Variants in PAIP2 observed in about 807,000 individuals in gnomAD.
PAIP2 encodes polyadenylate-binding protein-interacting protein 2.
PAIP2 carries 7 observed loss-of-function variants against 14.8 expected under a neutral mutation model. The observed-to-expected ratio is 0.47, with a 90% confidence interval of 0.27 to 0.89. The LOEUF is 0.89. Ranked by LOEUF, PAIP2 falls within the 40% of genes least tolerant of loss-of-function variation. PAIP2 has a pLI of 0.13. For synonymous variants in PAIP2, 47 were observed against 45.3 expected, an observed-to-expected ratio of 1.04 and a Z score of -0.15; for missense variants, 122 against 154.7, an observed-to-expected ratio of 0.79 and a Z score of 1.12.
chr5:139,366,083 AT>A lies in PAIP2; in HGVS notation c.318+1341del, dbSNP rs370248866. Among the ~76,000 whole-genome samples, 214 of 151,468 alleles carry A rather than the reference AT, an allele frequency of 1.4e-3. 2 individuals carry two copies. In the South Asian group the frequency reaches 0.03, roughly 21 times the overall value. On this transcript the variant is annotated intron_variant, in intron 3 of 3. Coordinates refer to ENST00000265192, the MANE Select transcript of PAIP2 (RefSeq NM_016480.5). ...CTGGTTGTGGTGGTGCGTGCCTGTAATCCCAGCTACCTGGGAGGCTAAGGCA... is the reference window on the plus strand; with the variant it reads ...CTGGTTGTGGTGGTGCGTGCCTGTAACCCAGCTACCTGGGAGGCTAAGGCA...
intron 1 of PAIP2, among the ~76,000 whole-genome samples, chr5:139,350,818 A>T (rs988944352): frequency 6.6e-6 from 1 of 152,104 alleles, no homozygotes; most frequent in South Asian, 2.1e-4. Context: ...TTGGTATAGA[A>T]ATACACAATT....
At chr5:139,363,208 T>A (rs1331440259) in intron 1 of PAIP2, among the ~76,000 whole-genome samples, 1 of 151,932 alleles carries the variant, frequency 6.6e-6, no homozygotes, top group Non-Finnish European at 1.5e-5. Flanking sequence ...GCCACTGCAT[T>A]CCAGCCTGGG....
At chr5:139,357,017 A>T (rs559805837) in intron 1 of PAIP2, among the ~76,000 whole-genome samples, 1 of 152,276 alleles carries the variant, frequency 6.6e-6, no homozygotes, top group South Asian at 2.1e-4. Flanking sequence ...GAGTTTAGTA[A>T]AATTTGTATT....
At chr5:139,352,278 CTA>C (rs1561958956) in intron 1 of PAIP2, among the ~76,000 whole-genome samples, 1 of 151,188 alleles carries the variant, frequency 6.6e-6, no homozygotes, top group Non-Finnish European at 1.5e-5. Context: ...TTAATGACTA[CTA>C]GATACATTAA....
At chr5:139,367,817 TC>T (rs1161087679) in intron 3 of PAIP2, among the ~76,000 whole-genome samples, 1 of 152,252 alleles carries the variant, frequency 6.6e-6, no homozygotes, top group African/African-American at 2.4e-5. Context: ...AATTCCTTGT[TC>T]CGTGCTATTC....
chr5:139,366,232 G>T (rs1016378190), intron 3 of PAIP2, among the ~76,000 whole-genome samples: 8 of 150,886 alleles, frequency 5.3e-5, no homozygotes, highest in South Asian at 2.1e-4. Context: ...AAAGCGGGGT[G>T]GGGGGAATTG....
chr5:139,342,665 A>G (rs1756419140), intron 1 of PAIP2: 1 of 152,108 alleles, frequency 6.6e-6, no homozygotes, highest in Non-Finnish European at 1.5e-5. Context: ...ATGAACTTTA[A>G]GGTCCTCTTA....
chr5:139,350,123 T>C (rs968633397), intron 1 of PAIP2, among the ~76,000 whole-genome samples: 1 of 146,646 alleles, frequency 6.8e-6, no homozygotes, highest in Non-Finnish European at 1.5e-5. Flanking sequence ...TGCAGTGAGC[T>C]GAGATCGCGC....
chr5:139,350,700 T>C (rs899099513), intron 1 of PAIP2, among the ~76,000 whole-genome samples: 1 of 151,602 alleles, frequency 6.6e-6, no homozygotes, highest in African/African-American at 2.4e-5. Flanking sequence ...CTGCAACTTA[T>C]CAAATGGTTA....
chr5:139,364,783 C>T, intron 3 of PAIP2, 40 bp downstream of exon 3: 1 of 1,347,272 alleles, frequency 7.4e-7, no homozygotes. Context: ...CCTAGTGCAT[C>T]TTTTGCATAA....
intron 1 of PAIP2, among the ~76,000 whole-genome samples, chr5:139,342,268 A>G (rs888095155): frequency 1.3e-5 from 2 of 151,542 alleles, no homozygotes; most frequent in Admixed American, 6.6e-5. Flanking sequence ...GGTTGCCGGG[A>G]TAGCACTTTC....
chr5:139,364,213 T>C lies in PAIP2; in HGVS notation c.138+291T>C, dbSNP rs3763018. 7.8e-3 allele frequency among the ~76,000 whole-genome samples: 1,188 copies of C among 152,268 alleles called. 17 individuals carry two copies. Among genetic ancestry groups the C allele is most frequent in the African/African-American group, 0.025 (1,039 of 41,558 alleles). ...GATGGTTCCATTGAGCAGTCAGATGTGGAAACCACTGCCTTATGCCAGTAA... is the reference window on the plus strand; with the variant it reads ...GATGGTTCCATTGAGCAGTCAGATGCGGAAACCACTGCCTTATGCCAGTAA... On this transcript the variant is annotated intron_variant, in intron 2 of 3. Coordinates refer to ENST00000265192, the MANE Select transcript of PAIP2 (RefSeq NM_016480.5).
At chr5:139,342,701 TCTC>T (rs1347213943) in intron 1 of PAIP2, 3 of 152,140 alleles carry the variant, frequency 2.0e-5, no homozygotes, top group Non-Finnish European at 4.4e-5. Flanking sequence ...CTGTGCTTAC[TCTC>T]CTCCTTCCCC....
At chr5:139,347,268 C>T (rs1248531762) in intron 1 of PAIP2, among the ~76,000 whole-genome samples, 2 of 105,872 alleles carry the variant, frequency 1.9e-5, no homozygotes, top group Non-Finnish European at 1.8e-5. Context: ...CATGTTACAA[C>T]TTTTTTTTTT....
At chr5:139,342,192 T>C (rs1024182438) in intron 1 of PAIP2, among the ~76,000 whole-genome samples, 1 of 152,066 alleles carries the variant, frequency 6.6e-6, no homozygotes, top group African/African-American at 2.4e-5. Flanking sequence ...CCGTCGCTTT[T>C]TTTTCATTGT....
At chr5:139,359,141 AGTTATTT>A (rs1244622138) in intron 1 of PAIP2, among the ~76,000 whole-genome samples, 2 of 151,736 alleles carry the variant, frequency 1.3e-5, no homozygotes, top group East Asian at 1.9e-4. Context: ...CACCCAGCTA[AGTTATTT>A]GTTTGAGACA....
intron 1 of PAIP2, among the ~76,000 whole-genome samples, chr5:139,362,980 C>T (rs1209594513): frequency 6.6e-6 from 1 of 152,106 alleles, no homozygotes; most frequent in East Asian, 1.9e-4. Flanking sequence ...GTGGCGCACA[C>T]CTATAATCTC....
chr5:139,362,990 C>T (rs1757117038), intron 1 of PAIP2, among the ~76,000 whole-genome samples: 1 of 152,094 alleles, frequency 6.6e-6, no homozygotes, highest in Non-Finnish European at 1.5e-5. Flanking sequence ...CCTATAATCT[C>T]AGCACTTTGG....
chr5:139,352,614 G>A (rs936049666), intron 1 of PAIP2, among the ~76,000 whole-genome samples: 2 of 150,502 alleles, frequency 1.3e-5, no homozygotes, highest in Non-Finnish European at 3.0e-5. Flanking sequence ...TGTGATTACA[G>A]GCATGTGCCA....
Sources: gnomAD v4.1 joint callset for allele counts (sites outside exome capture counted in the v4.1 genomes callset) on GRCh38, gnomAD v4.1.1 for gene constraint, MANE v1.5 for transcripts, NCBI Gene and HGNC (gene_info 2026-07-23, HGNC 2026-07-21) for gene names.